GPC6: variants seen among roughly 807,000 people sequenced by gnomAD.
The protein encoded by GPC6 is glypican 6.
Under a neutral mutation model 55.2 loss-of-function variants are expected in GPC6, and 14 were observed. That is an observed-to-expected ratio of 0.25 (90% confidence interval 0.17 to 0.40). The LOEUF is 0.40. Among genes scored for constraint, GPC6 ranks in the 10% least tolerant of loss-of-function variants. The pLI is 1.00. For synonymous variants in GPC6, 278 were observed against 259.6 expected (o/e 1.07, Z -0.68); for missense variants, 641 against 708.5 (o/e 0.90, Z 1.08).
intron 1 of GPC6, among the ~76,000 whole-genome samples, chr13:93,458,430 C>T (rs115023501): frequency 9.7e-4 from 147 of 152,170 alleles, no homozygotes; most frequent in African/African-American, 3.2e-3. Flanking sequence ...AAACATCCTC[C>T]TCCCTACCCC....
At chr13:93,707,486 C>T (rs566222609) in intron 2 of GPC6, among the ~76,000 whole-genome samples, 106 of 151,742 alleles carry the variant, frequency 7.0e-4, no homozygotes, top group African/African-American at 2.3e-3. Flanking sequence ...CACATGAATA[C>T]TTCTAGTAAT....
intron 2 of GPC6, among the ~76,000 whole-genome samples, chr13:93,723,354 G>C (rs961442085): frequency 4.6e-5 from 7 of 151,878 alleles, no homozygotes; most frequent in Non-Finnish European, 1.0e-4. Context: ...CGTGATCTCT[G>C]TACCCTGGTG....
At chr13:94,118,909 T>G (rs1196445831) in intron 4 of GPC6, among the ~76,000 whole-genome samples, 1 of 152,044 alleles carries the variant, frequency 6.6e-6, no homozygotes, top group Non-Finnish European at 1.5e-5. Flanking sequence ...GCTCCTCGAC[T>G]AAACCTCCAG....
intron 4 of GPC6, among the ~76,000 whole-genome samples, chr13:94,104,607 C>A (rs1885985726): frequency 6.6e-6 from 1 of 152,174 alleles, no homozygotes; most frequent in African/African-American, 2.4e-5. Context: ...TGATAAACAA[C>A]TTCAGCAAAG....
chr13:93,891,689 C>T (rs1477380906), intron 3 of GPC6, among the ~76,000 whole-genome samples: 1 of 152,030 alleles, frequency 6.6e-6, no homozygotes, highest in Non-Finnish European at 1.5e-5. Flanking sequence ...TATATATACA[C>T]ATTTACAATG....
intron 2 of GPC6, among the ~76,000 whole-genome samples, chr13:93,733,181 T>C (rs1460313546): frequency 6.6e-6 from 1 of 152,122 alleles, no homozygotes. Context: ...TCTACACTCA[T>C]CTTACTGTGA....
chr13:94,282,060 G>GCTGTT (rs1892400984), intron 4 of GPC6, among the ~76,000 whole-genome samples: 1 of 152,136 alleles, frequency 6.6e-6, no homozygotes, highest in African/African-American at 2.4e-5. Context: ...TTGTCATTTG[G>GCTGTT]CTGTTCCAGT....
chr13:93,587,512 T>A (rs1025199826), intron 2 of GPC6, among the ~76,000 whole-genome samples: 2 of 152,186 alleles, frequency 1.3e-5, no homozygotes, highest in Non-Finnish European at 2.9e-5. Context: ...CAAATATGAT[T>A]GTTATGGTTC....
At chr13:94,303,956 C>G (rs1005390959) in intron 5 of GPC6, among the ~76,000 whole-genome samples, 1 of 152,152 alleles carries the variant, frequency 6.6e-6, no homozygotes, top group Non-Finnish European at 1.5e-5. Context: ...TTCATGAAAT[C>G]TCAGCAAGGC....
chr13:93,685,920 A>G (rs1310727886), intron 2 of GPC6, among the ~76,000 whole-genome samples: 1 of 152,110 alleles, frequency 6.6e-6, no homozygotes, highest in Non-Finnish European at 1.5e-5. Flanking sequence ...TTCATACCTA[A>G]TAGGATTAAC....
At chr13:93,528,771 C>G (rs1594238989) in intron 1 of GPC6, among the ~76,000 whole-genome samples, 1 of 151,968 alleles carries the variant, frequency 6.6e-6, no homozygotes, top group African/African-American at 2.4e-5. Flanking sequence ...GATATGAAGA[C>G]AATATATTTA....
intron 1 of GPC6, among the ~76,000 whole-genome samples, chr13:93,503,087 C>T: frequency 6.6e-6 from 1 of 152,046 alleles, no homozygotes; most frequent in East Asian, 1.9e-4. Context: ...GTTTTACCTC[C>T]CTTCCATACA....
chr13:93,601,492 C>T (rs1033735461), intron 2 of GPC6, among the ~76,000 whole-genome samples: 1 of 152,158 alleles, frequency 6.6e-6, no homozygotes, highest in Non-Finnish European at 1.5e-5. Flanking sequence ...TTAATGGATT[C>T]TCCTCTGTAT....
intron 4 of GPC6, among the ~76,000 whole-genome samples, chr13:94,049,645 T>A (rs940248718): frequency 6.6e-6 from 1 of 152,078 alleles, no homozygotes; most frequent in Non-Finnish European, 1.5e-5. Context: ...CCATTGAGAC[T>A]TTCACTCAAA....
chr13:93,293,200 A>T (rs1878374163), intron 1 of GPC6, among the ~76,000 whole-genome samples: 1 of 151,864 alleles, frequency 6.6e-6, no homozygotes, highest in Non-Finnish European at 1.5e-5. Context: ...CAGGCTGGTC[A>T]GAAGTTCCTT....
chr13:94,018,450 C>T (rs886468143), intron 3 of GPC6, among the ~76,000 whole-genome samples: 20 of 152,008 alleles, frequency 1.3e-4, no homozygotes, highest in East Asian at 3.9e-4. Flanking sequence ...CCACCACATC[C>T]GGCTAATTGT....
rs74109161 is a variant in GPC6, at chr13:93,956,409, T to C, written c.712-71320T>C. ...TCCTGTTGCTTACAAAATGGTGATA[T>C]TTATCATGTCAAAGTTAAAACTACT... On this transcript the variant is annotated intron_variant, in intron 3 of 8. Transcript: ENST00000377047. 3.4e-3 allele frequency among the ~76,000 whole-genome samples: 515 copies of C among 152,304 alleles called. 2 individuals are homozygous for C. The highest frequency in any genetic ancestry group is 0.011 in the African/African-American group (452 of 41,582).
At chr13:93,543,198 A>G (rs1882398991) in intron 1 of GPC6, among the ~76,000 whole-genome samples, 1 of 152,146 alleles carries the variant, frequency 6.6e-6, no homozygotes, top group African/African-American at 2.4e-5. Flanking sequence ...GATACGTCCC[A>G]TCAATACCTA....
At chr13:93,841,972 T>G (rs925064140) in intron 3 of GPC6, among the ~76,000 whole-genome samples, 1 of 152,172 alleles carries the variant, frequency 6.6e-6, no homozygotes, top group South Asian at 2.1e-4. Flanking sequence ...ATTTTTATAG[T>G]AGGTACAAAT....
Sources: gnomAD v4.1 joint callset for allele counts (sites outside exome capture counted in the v4.1 genomes callset) on GRCh38, gnomAD v4.1.1 for gene constraint, MANE v1.5 for transcripts, NCBI Gene and HGNC (gene_info 2026-07-23, HGNC 2026-07-21) for gene names.